The following TLL2 variants were observed in gnomAD, a reference collection of about 807,000 sequenced individuals.
TLL2 encodes the protein tolloid-like protein 2.
Under a neutral mutation model 123.0 loss-of-function variants are expected in TLL2, and 106 were observed. The ratio of observed to expected loss-of-function variants is 0.86; its 90% CI spans 0.74 to 1.01. The LOEUF (loss-of-function observed/expected upper bound fraction) is 1.01. Among genes scored for constraint, TLL2 ranks in the 50% least tolerant of loss-of-function variants. TLL2 has a pLI of 0.00. For missense variants in TLL2, 1,332 were observed against 1,336.7 expected (o/e 1.00, Z 0.06); for synonymous variants, 494 against 516.8 (o/e 0.96, Z 0.60).
At chr10:96,504,658 T>C (rs11188804) in intron 1 of TLL2, among the ~76,000 whole-genome samples, 14,518 of 152,030 alleles carry the variant, frequency 0.095, 752 homozygotes, top group Non-Finnish European at 0.1. Flanking sequence ...ATCCCATAAA[T>C]CCCTTAAAAA....
At chr10:96,459,595 G>C (rs1013573188) in intron 2 of TLL2, among the ~76,000 whole-genome samples, 7 of 139,980 alleles carry the variant, frequency 5.0e-5, no homozygotes, top group Non-Finnish European at 9.1e-5. Context: ...ACGTGAATCT[G>C]TGAGGCGGAG....
Position 96,388,148 on chromosome 10 carries a change from A to G in TLL2, c.1727-1070T>C, listed in dbSNP as rs373761854. Among the ~76,000 whole-genome samples the G allele has an allele frequency of 6.6e-5, 10 of 152,188 alleles. No homozygotes were observed. In the East Asian group the frequency reaches 9.6e-4, roughly 15 times the overall value. Reference sequence around the variant, plus strand: ...GCCAGGCACGGTGGCTCACGCCTGTAATCACAGCACTTTGGGAGGCTGAGG... The same window carrying G: ...GCCAGGCACGGTGGCTCACGCCTGTGATCACAGCACTTTGGGAGGCTGAGG... On this transcript the variant is annotated intron_variant, in intron 13 of 20. Coordinates refer to ENST00000357947, the MANE Select transcript of TLL2 (RefSeq NM_012465.4).
chr10:96,481,741 A>C (rs1218706225), intron 1 of TLL2, among the ~76,000 whole-genome samples: 1 of 152,242 alleles, frequency 6.6e-6, no homozygotes, highest in African/African-American at 2.4e-5. Context: ...ACTATGTTTG[A>C]CAAGGTTCTA....
chr10:96,410,203 G>A (rs569223893), intron 9 of TLL2, among the ~76,000 whole-genome samples, 156 bp downstream of exon 9: 7 of 152,282 alleles, frequency 4.6e-5, no homozygotes, highest in Non-Finnish European at 7.4e-5. Flanking sequence ...GAGAAGTCCA[G>A]AAATAATGAA....
chr10:96,512,477 C>G (rs1329290943), intron 1 of TLL2, among the ~76,000 whole-genome samples: 1 of 152,202 alleles, frequency 6.6e-6, no homozygotes, highest in Non-Finnish European at 1.5e-5. Flanking sequence ...GCCACAGCCC[C>G]GGGAAGGAGC....
At chr10:96,441,038 A>AG (rs1846845779) in intron 3 of TLL2, among the ~76,000 whole-genome samples, 1 of 152,066 alleles carries the variant, frequency 6.6e-6, no homozygotes, top group East Asian at 1.9e-4. Flanking sequence ...GGTAGGGTTG[A>AG]GGGGGGATAA....
Position 96,476,225 on chromosome 10 carries a change from T to C in TLL2, c.286+4124A>G, listed in dbSNP as rs1335689578. On this transcript the variant is annotated intron_variant, in intron 2 of 20. Coordinates refer to ENST00000357947, the MANE Select transcript of TLL2 (RefSeq NM_012465.4). ...TGGTTCCTTTTTAATTTTATATGTATATATATATATATATATTTTATTTTT... is the reference window on the plus strand; with the variant it reads ...TGGTTCCTTTTTAATTTTATATGTACATATATATATATATATTTTATTTTT... 3.2e-3 allele frequency among the ~76,000 whole-genome samples: 33 copies of C among 10,448 alleles called. 3 individuals are homozygous for C. Among genetic ancestry groups the C allele is most frequent in the Admixed American group, 8.2e-3 (3 of 366 alleles). The allele number at this position is 10,448 out of a possible 152,430, so 6.9% of individuals were successfully genotyped here.
chr10:96,391,986 C>T (rs1217533213), intron 13 of TLL2, among the ~76,000 whole-genome samples: 1 of 152,204 alleles, frequency 6.6e-6, no homozygotes, highest in African/African-American at 2.4e-5. Flanking sequence ...CTGAGTCTCA[C>T]AGCCTCCACC....
chr10:96,389,799 A>G lies in TLL2; in HGVS notation c.1727-2721T>C, dbSNP rs149662789. Among the ~76,000 whole-genome samples, 1,126 of 152,352 alleles carry G rather than the reference A, an allele frequency of 7.4e-3. 21 individuals are homozygous for G. Among genetic ancestry groups the G allele is most frequent in the African/African-American group, 0.025 (1,027 of 41,588 alleles). ...AGCCCGGTGGATGGACCTAGGGCAA[A>G]AGCAAAGAAAATATAATTCCTCCAG... is the stretch of plus-strand genomic sequence containing the variant. On this transcript the variant is annotated intron_variant, in intron 13 of 20. Coordinates refer to ENST00000357947, the MANE Select transcript of TLL2 (RefSeq NM_012465.4).
chr10:96,397,399 T>G, intron 10 of TLL2, 97 bp from the exon 11 acceptor site: 2 of 863,678 alleles, frequency 2.3e-6, no homozygotes, highest in Non-Finnish European at 3.6e-6. Context: ...ACACGTGGTT[T>G]GAAGTGAGCA....
intron 7 of TLL2, among the ~76,000 whole-genome samples, chr10:96,416,772 G>A (rs555135348): frequency 6.6e-6 from 1 of 152,298 alleles, no homozygotes; most frequent in South Asian, 2.1e-4. Flanking sequence ...TACAAGAGCC[G>A]TCCCCTGTGT....
chr10:96,474,121 A>G (rs1230647438), intron 2 of TLL2, among the ~76,000 whole-genome samples: 1 of 152,192 alleles, frequency 6.6e-6, no homozygotes, highest in Non-Finnish European at 1.5e-5. Flanking sequence ...AGCGTGGCCA[A>G]TGCCTGCCCA....
rs200598408 is a variant in TLL2, at chr10:96,395,872, C to A, written c.1530+3G>T. ...TTGGGAAGCCGGTCTGAGCAGCACT[C>A]ACCTCAAAAGCTTGGAAGGTAAGTC... On this transcript the variant is annotated splice_donor_region_variant and intron_variant, in intron 12 of 20. Transcript: ENST00000357947. 6.2e-7 allele frequency: 1 copy of A among 1,614,160 alleles called. No homozygotes were observed. Among genetic ancestry groups the A allele is most frequent in the East Asian group, 2.2e-5 (1 of 44,886 alleles).
intron 1 of TLL2, among the ~76,000 whole-genome samples, chr10:96,492,132 C>A (rs1847419980): frequency 1.3e-5 from 2 of 151,922 alleles, no homozygotes; most frequent in Non-Finnish European, 2.9e-5. Flanking sequence ...GTCCCTGGGA[C>A]CAGGCCGAAT....
intron 18 of TLL2, among the ~76,000 whole-genome samples, chr10:96,375,912 A>G (rs987713906): frequency 2.6e-5 from 4 of 152,196 alleles, no homozygotes; most frequent in Non-Finnish European, 4.4e-5. Flanking sequence ...AGTACAATAC[A>G]TTCTCCAGCT....
In TLL2 at chr10:96,513,725, A is replaced by G; in HGVS notation, c.-40T>C. 1 of 1,450,430 alleles carries G rather than the reference A, an allele frequency of 6.9e-7. No homozygotes were observed. Among genetic ancestry groups the G allele is most frequent in the East Asian group, 2.7e-5 (1 of 37,414 alleles). The allele number at this position is 1,450,430 out of a possible 1,614,324, so 89.8% of individuals were successfully genotyped here. The stretch of plus-strand genomic sequence containing the variant: ...GGCTGGGGCAGAGGGAGTTGCGTGC[A>G]CGAAAGCTCAGCTCGGCCGAAAGAC... On this transcript the variant is annotated 5_prime_UTR_variant, in exon 1 of 21. Transcript: ENST00000357947.
intron 3 of TLL2, among the ~76,000 whole-genome samples, chr10:96,434,512 T>A (rs1426368919): frequency 6.6e-6 from 1 of 152,256 alleles, no homozygotes; most frequent in Non-Finnish European, 1.5e-5. Flanking sequence ...TGTTGTAGTA[T>A]GAATCAGTTC....
At chr10:96,375,843 T>G (rs1004749842) in intron 18 of TLL2, among the ~76,000 whole-genome samples, 5 of 152,182 alleles carry the variant, frequency 3.3e-5, no homozygotes, top group Admixed American at 6.5e-5. Flanking sequence ...GTTCATAGGG[T>G]CAATCCTACT....
At chr10:96,400,703 A>T (rs779152550) in intron 10 of TLL2, among the ~76,000 whole-genome samples, 7 of 152,148 alleles carry the variant, frequency 4.6e-5, no homozygotes, top group Non-Finnish European at 1.0e-4. Flanking sequence ...AGAGGGAAAA[A>T]GGGCTTTTGT....
Sources: gnomAD v4.1 joint callset for allele counts (sites outside exome capture counted in the v4.1 genomes callset) on GRCh38, gnomAD v4.1.1 for gene constraint, MANE v1.5 for transcripts, NCBI Gene and HGNC (gene_info 2026-07-23, HGNC 2026-07-21) for gene names.